The following DYNC2I1 variants were observed in gnomAD, a reference collection of about 807,000 sequenced individuals.
DYNC2I1 encodes cytoplasmic dynein 2 intermediate chain 1.
DYNC2I1 carries 89 observed loss-of-function variants against 133.4 expected under a neutral mutation model. That is an observed-to-expected ratio of 0.67 (90% CI 0.56 to 0.80). The LOEUF (loss-of-function observed/expected upper bound fraction) is 0.80. Among genes scored for constraint, DYNC2I1 ranks in the 30% least tolerant of loss-of-function variants. DYNC2I1 has a pLI of 0.00. For missense variants in DYNC2I1, 1,291 were observed against 1,314.5 expected (o/e 0.98, Z 0.28); for synonymous variants, 504 against 484.3 (o/e 1.04, Z -0.54).
downstream of DYNC2I1, among the ~76,000 whole-genome samples, chr7:158,957,043 A>G (rs1852217167): frequency 6.6e-6 from 1 of 151,952 alleles, no homozygotes; most frequent in Non-Finnish European, 1.5e-5. Context: ...GGTCCTGAAC[A>G]CCCTGTTGTC....
rs1454117113 is a variant in DYNC2I1, at chr7:158,923,694, G to A, written c.2218G>A (p.Asp740Asn). The A allele has an allele frequency of 4.3e-6, 7 of 1,613,836 alleles. No homozygotes were observed. Among genetic ancestry groups the A allele is most frequent in the African/African-American group, 1.3e-5 (1 of 74,926 alleles). The change falls in exon 17 of 25, where the codon GAT becomes AAT. Residue 740 changes from aspartate (D) to asparagine (N), a missense_variant. Asp to Asn is a conservative substitution (Grantham distance 23, BLOSUM62 1). Transcript: ENST00000407559. ...SRLHYSVTLSDGFWTFRTATF... is the reference protein window; with the variant it reads ...SRLHYSVTLSNGFWTFRTATF... ...GCTGCATTACTCTGTGACGCTGAGC[G>A]ATGGCTTCTGGACGTTCCGGACCGC...
At chr7:158,842,385 C>T in the DYNC2I1 span, among the ~76,000 whole-genome samples, 1 of 152,214 alleles carries the variant, frequency 6.6e-6, no homozygotes, top group African/African-American at 2.4e-5. Flanking sequence ...GTAGGCAGCT[C>T]TTCTAGTGTC....
At chr7:158,922,643 C>G in intron 16 of DYNC2I1, 94 bp downstream of exon 16, 5 of 1,287,862 alleles carry the variant, frequency 3.9e-6, no homozygotes, top group Non-Finnish European at 5.4e-6. Flanking sequence ...GAGAGAGGTG[C>G]AGGGACAGGA....
At position 158,923,753 on chromosome 7, in the gene DYNC2I1, C is replaced by T; in HGVS notation, c.2257+20C>T. The T allele has an allele frequency of 6.3e-7, 1 of 1,588,984 alleles. No homozygotes were observed. Among genetic ancestry groups the T allele is most frequent in the East Asian group, 2.3e-5 (1 of 44,406 alleles). On this transcript the variant is annotated intron_variant, in intron 17 of 24. Transcript: ENST00000407559. ...CCACCGGTCAGTGTCATCTGCCTGC[C>T]AATTGTGTGTCTGCTAGAAAAGCCA... is the stretch of plus-strand genomic sequence containing the variant.
chr7:158,946,948 C>G (rs1390582685), downstream of DYNC2I1, among the ~76,000 whole-genome samples: 1 of 152,254 alleles, frequency 6.6e-6, no homozygotes, highest in Non-Finnish European at 1.5e-5. Flanking sequence ...GCTGCAGACA[C>G]AGCCCCCTCC....
chr7:158,845,746 G>GATTGCTTATGAA, the DYNC2I1 span, among the ~76,000 whole-genome samples: 1 of 152,186 alleles, frequency 6.6e-6, no homozygotes, highest in African/African-American at 2.4e-5. Context: ...AAGCAATCTA[G>GATTGCTTATGAA]ATAAACTATT....
intron 21 of DYNC2I1, 125 bp from the exon 22 acceptor site, chr7:158,934,004 C>G: frequency 1.5e-6 from 1 of 680,088 alleles, no homozygotes; most frequent in Non-Finnish European, 2.5e-6. Flanking sequence ...TGGCTAAACC[C>G]ACAGAGGAAT....
chr7:158,952,979 A>G (rs1852100240), intron 4 of DYNC2I1, among the ~76,000 whole-genome samples: 1 of 152,212 alleles, frequency 6.6e-6, no homozygotes, highest in Non-Finnish European at 1.5e-5. Context: ...AACCTCTGCC[A>G]GCATCACGCT....
intron 7 of DYNC2I1, 143 bp from the exon 8 acceptor site, chr7:158,891,122 C>G: frequency 4.8e-6 from 4 of 831,776 alleles, no homozygotes; most frequent in Non-Finnish European, 6.0e-6. Context: ...GACCTGCATC[C>G]CAGAGCGTTA....
At chr7:158,931,400 TA>T (rs1374959201) in intron 21 of DYNC2I1, among the ~76,000 whole-genome samples, 1 of 152,236 alleles carries the variant, frequency 6.6e-6, no homozygotes, top group Non-Finnish European at 1.5e-5. Flanking sequence ...ACTACAGTTG[TA>T]ATTAGTAATT....
At position 158,881,629 on chromosome 7, in the gene DYNC2I1, A is replaced by G. The variant is rs977772344; in HGVS notation, c.879+1640A>G. The stretch of plus-strand genomic sequence containing the variant: ...CCACCACTCCCGGCTAATTTTTTGT[A>G]TATTTAGTAGAGACGGGGTTTCACC... On this transcript the variant is annotated intron_variant, in intron 5 of 24. Coordinates refer to ENST00000407559, the MANE Select transcript of DYNC2I1 (RefSeq NM_018051.5). Among the ~76,000 whole-genome samples, 8 of 151,772 alleles carry G rather than the reference A, an allele frequency of 5.3e-5. No individual in the cohort carries two copies. In the East Asian group the frequency reaches 7.7e-4, roughly 15 times the overall value.
the DYNC2I1 span, among the ~76,000 whole-genome samples, chr7:158,848,849 C>T: frequency 3.9e-4 from 59 of 151,558 alleles, no homozygotes; most frequent in African/African-American, 1.3e-3. Flanking sequence ...GCGTGAATCG[C>T]GAGGCAGAGC....
At chr7:158,892,321 A>G (rs73529721) in intron 8 of DYNC2I1, among the ~76,000 whole-genome samples, 7 of 152,382 alleles carry the variant, frequency 4.6e-5, no homozygotes, top group African/African-American at 7.2e-5. Context: ...TTACTGATAC[A>G]ATAAATGTAG....
Position 158,923,592 on chromosome 7 carries a change from C to G in DYNC2I1, c.2116C>G (p.Pro706Ala). Residue 706 changes from proline (P) to alanine (A), a missense_variant, in exon 17 of 25, where the codon CCT becomes GCT. By Grantham distance (27) the Pro-to-Ala change is conservative (BLOSUM62 -1). Transcript: ENST00000407559. Reference protein sequence around the residue: ...ESQVTCCCLSPLKAFLLFAGT... With the variant: ...ESQVTCCCLSALKAFLLFAGT... ...TTAGGTCACGTGTTGCTGCTTGAGC[C>G]CTTTGAAAGCATTTTTACTGTTTGC... 6.2e-7 allele frequency: 1 copy of G among 1,613,984 alleles called. No individual in the cohort carries two copies. Among genetic ancestry groups the G allele is most frequent in the Non-Finnish European group, 8.5e-7 (1 of 1,179,892 alleles).
intron 4 of DYNC2I1, among the ~76,000 whole-genome samples, chr7:158,952,364 G>A (rs751508934): frequency 1.3e-5 from 2 of 152,082 alleles, no homozygotes; most frequent in East Asian, 1.9e-4. Flanking sequence ...TGGACATCCC[G>A]CCTACCTGAA....
At chr7:158,940,745 A>G (rs1585248440) in intron 23 of DYNC2I1, among the ~76,000 whole-genome samples, 1 of 152,168 alleles carries the variant, frequency 6.6e-6, no homozygotes. Flanking sequence ...GGGTCAATTA[A>G]GAAATTAAGA....
chr7:158,938,831 C>CA (rs1851041543), intron 23 of DYNC2I1, among the ~76,000 whole-genome samples: 1 of 151,870 alleles, frequency 6.6e-6, no homozygotes, highest in Admixed American at 6.6e-5. Flanking sequence ...CACGCAAAAA[C>CA]AAAAAACTTA....
In DYNC2I1 at chr7:158,856,589, T is replaced by TGGGCAGTGCC. The variant is rs1841245752; in HGVS notation, c.-147_-146insGGGCAGTGCC. The TGGGCAGTGCC allele has an allele frequency of 1.2e-6, 1 of 822,336 alleles. No homozygotes were observed. Among genetic ancestry groups the TGGGCAGTGCC allele is most frequent in the African/African-American group, 1.8e-5 (1 of 56,186 alleles). 50.9% of individuals were successfully genotyped at this position (822,336 alleles called of 1,614,324 possible). Reference sequence around the variant, plus strand: ...GGCCGCAGGGCACGCTGGGCAGTGCTTCTGGGCCCTCTGCTGCTCCTGCTT... The same window carrying TGGGCAGTGCC: ...GGCCGCAGGGCACGCTGGGCAGTGCTGGGCAGTGCCTCTGGGCCCTCTGCTGCTCCTGCTT... On this transcript the variant is annotated 5_prime_UTR_variant, in exon 1 of 25. Transcript: ENST00000407559.
At chr7:158,886,638 CTG>C (rs911121180) in intron 6 of DYNC2I1, among the ~76,000 whole-genome samples, 64 of 152,310 alleles carry the variant, frequency 4.2e-4, no homozygotes, top group African/African-American at 1.4e-3. Flanking sequence ...GGGTCTTTCT[CTG>C]TCGCCCAGGC....
Sources: gnomAD v4.1 joint callset for allele counts (sites outside exome capture counted in the v4.1 genomes callset) on GRCh38, gnomAD v4.1.1 for gene constraint, MANE v1.5 for transcripts, NCBI Gene and HGNC (gene_info 2026-07-23, HGNC 2026-07-21) for gene names.